Variants in LRP2BP observed in about 807,000 individuals in gnomAD.
LRP2BP encodes the protein LRP2-binding protein.
Under a neutral mutation model 45.2 loss-of-function variants are expected in LRP2BP, and 38 were observed. The observed-to-expected ratio is 0.84, with a 90% CI of 0.65 to 1.10. The LOEUF is 1.10. Ranked by LOEUF, LRP2BP falls within the 50% of genes least tolerant of loss-of-function variation. LRP2BP has a pLI of 0.00. For missense variants in LRP2BP, 385 were observed against 418.9 expected (o/e 0.92, Z 0.71); for synonymous variants, 153 against 153.9 (o/e 0.99, Z 0.04).
Position 185,387,976 on chromosome 4 carries a change from C to T in LRP2BP, c.-22+6803G>A, listed in dbSNP as rs958979102. ...CCGTGGAAGTGGAAAGGCTGTGTGACGAGCCCTCGACAGGAAAAGCGACGC... is the reference window on the plus strand; with the variant it reads ...CCGTGGAAGTGGAAAGGCTGTGTGATGAGCCCTCGACAGGAAAAGCGACGC... On this transcript the variant is annotated intron_variant, in intron 1 of 8. Coordinates refer to ENST00000505916, the MANE Select transcript of LRP2BP (RefSeq NM_001377440.1). Among the ~76,000 whole-genome samples, 10 of 152,328 alleles carry T rather than the reference C, an allele frequency of 6.6e-5. No individual in the cohort carries two copies. The East Asian group carries it at 1.5e-3, about 24-fold the overall frequency.
chr4:185,366,475 A>G lies in LRP2BP; in HGVS notation c.*705T>C, dbSNP rs2095388475. On this transcript the variant is annotated 3_prime_UTR_variant, in exon 9 of 9. Coordinates refer to ENST00000505916, the MANE Select transcript of LRP2BP (RefSeq NM_001377440.1). ...TCTTTGAGGGAAGATTTGGAGGGGC[A>G]AGATTCTAAAGCAATGTCTTATAAC... is the stretch of plus-strand genomic sequence containing the variant. 6.6e-6 allele frequency: 1 copy of G among 152,216 alleles called. No individual in the cohort carries two copies. The highest frequency in any genetic ancestry group is 1.5e-5 in the Non-Finnish European group (1 of 68,034). 9.4% of individuals were successfully genotyped at this position (152,216 alleles called of 1,614,324 possible). A position where few individuals can be genotyped will look rare whatever the true frequency, so the allele number is the denominator to read the frequency against.
intron 1 of LRP2BP, among the ~76,000 whole-genome samples, chr4:185,388,447 G>GCCTACCTACCTGTCAATCATCTACCTA (rs2095478170): frequency 6.7e-6 from 1 of 149,516 alleles, no homozygotes; most frequent in South Asian, 2.1e-4. Context: ...CTACCTATCT[G>GCCTACCTACCTGTCAATCATCTACCTA]CCTACCTACC....
intron 8 of LRP2BP, 59 bp from the exon 9 acceptor site, chr4:185,367,304 T>A: frequency 1.2e-5 from 4 of 329,860 alleles, no homozygotes; most frequent in Non-Finnish European, 1.7e-5. Context: ...GTCTTTCTTC[T>A]TTTTTTTTTT....
At chr4:185,374,043 A>T in intron 6 of LRP2BP, 92 bp downstream of exon 6, 1 of 1,041,440 alleles carries the variant, frequency 9.6e-7, no homozygotes, top group Non-Finnish European at 1.4e-6. Context: ...AGAGATATTT[A>T]AAACGACATT....
chr4:185,374,377 GGTT>G lies in LRP2BP; in HGVS notation c.412_414del (p.Asn138del). 1.2e-6 allele frequency: 2 copies of G among 1,614,106 alleles called. No homozygotes were observed. Among genetic ancestry groups the G allele is most frequent in the South Asian group, 2.2e-5 (2 of 91,070 alleles). On this transcript the variant is annotated inframe_deletion, in exon 5 of 9. Coordinates refer to ENST00000505916, the MANE Select transcript of LRP2BP (RefSeq NM_001377440.1). ...TTTCCTTCATAATAAGCTCTTCCGA[GGTT>G]GTAAGCAGCTGCAAATTTTAAGTGT...
intron 1 of LRP2BP, among the ~76,000 whole-genome samples, chr4:185,386,900 T>C (rs1435119484): frequency 2.0e-5 from 3 of 152,142 alleles, no homozygotes; most frequent in African/African-American, 4.8e-5. Context: ...TTTACTATTA[T>C]ATAAAAGTAA....
intron 1 of LRP2BP, among the ~76,000 whole-genome samples, chr4:185,391,485 C>T (rs1001140593): frequency 6.6e-6 from 1 of 152,230 alleles, no homozygotes; most frequent in Admixed American, 6.5e-5. Flanking sequence ...GAAGCATTGT[C>T]TTCTGTCTCC....
At chr4:185,383,872 G>GC (rs1192126546) in intron 1 of LRP2BP, among the ~76,000 whole-genome samples, 6 of 152,170 alleles carry the variant, frequency 3.9e-5, no homozygotes, top group Non-Finnish European at 7.4e-5. Flanking sequence ...AGGCAGGTGC[G>GC]CCGTGTTTTT....
rs2095426224 is a variant in LRP2BP at position 185,374,399 on chromosome 4, T to G, written c.393A>C (p.Leu131Phe). The part of the protein sequence containing the change: ...LDSPCPKARH[L>F]KFAAAYNLGR... ...CGAGGTTGTAAGCAGCTGCAAATTT[T>G]AAGTGTCTTGCTTTGGGACATGGAG... The change falls in exon 5 of 9, where the codon TTA becomes TTC. Residue 131 changes from leucine (L) to phenylalanine (F), a missense_variant. Transcript: ENST00000505916. 6.2e-7 allele frequency: 1 copy of G among 1,614,074 alleles called. No individual in the cohort carries two copies. The highest frequency in any genetic ancestry group is 1.3e-5 in the African/African-American group (1 of 74,944).
chr4:185,387,555 T>C (rs1410978645), intron 1 of LRP2BP, among the ~76,000 whole-genome samples: 3 of 152,192 alleles, frequency 2.0e-5, no homozygotes, highest in South Asian at 2.1e-4. Flanking sequence ...ATTATAAACA[T>C]ACTGTGTTTC....
At chr4:185,386,081 AAAAC>A (rs1242502437) in intron 1 of LRP2BP, among the ~76,000 whole-genome samples, 4 of 152,330 alleles carry the variant, frequency 2.6e-5, no homozygotes, top group East Asian at 1.9e-4. Context: ...ACTGAAATGA[AAAAC>A]AAAACAAAGA....
intron 1 of LRP2BP, among the ~76,000 whole-genome samples, chr4:185,382,760 T>G (rs976087723): frequency 6.6e-6 from 1 of 152,246 alleles, no homozygotes; most frequent in Non-Finnish European, 1.5e-5. Flanking sequence ...TTGCAATTTT[T>G]TCCCAATGTG....
chr4:185,374,744 G>A (rs1022851775), intron 4 of LRP2BP, among the ~76,000 whole-genome samples: 74 of 152,062 alleles, frequency 4.9e-4, no homozygotes, highest in East Asian at 1.9e-4. Context: ...CTCGATATGG[G>A]CTTCCTTTTT....
In LRP2BP at chr4:185,393,848, A is replaced by G. The variant is rs117127828; in HGVS notation, c.-22+931T>C. 7.5e-3 allele frequency among the ~76,000 whole-genome samples: 1,149 copies of G among 152,318 alleles called. 18 individuals are homozygous for G. The highest frequency in any genetic ancestry group is 0.054 in the South Asian group (259 of 4,824). On this transcript the variant is annotated intron_variant, in intron 1 of 8. Transcript: ENST00000505916. ...CTGACCCTCAAGAGTAATTACTTGA[A>G]TAAGAAGTACTAGGTTTAGTATTGC...
intron 3 of LRP2BP, 102 bp from the exon 4 acceptor site, chr4:185,375,828 T>C (rs2095435560): frequency 1.6e-6 from 1 of 606,126 alleles, no homozygotes; most frequent in Non-Finnish European, 2.8e-6. Context: ...AAACACACAG[T>C]TAACAAGCAA....
rs533862804 is a variant in LRP2BP at position 185,373,159 on chromosome 4, CTG to C, written c.580-82_580-81del. 626 of 1,295,956 alleles carry C rather than the reference CTG, an allele frequency of 4.8e-4. 10 individuals are homozygous for C. The South Asian group carries it at 7.0e-3, about 15-fold the overall frequency. The allele number at this position is 1,295,956 out of a possible 1,614,324, so 80.3% of individuals were successfully genotyped here. ...AGGGAATACTAGACAGAAAAGAACT[CTG>C]TGTTTCCTAGATAGCACTATTAATC... On this transcript the variant is annotated intron_variant, in intron 6 of 8. Transcript: ENST00000505916.
Position 185,395,311 on chromosome 4 carries a change from G to A in LRP2BP, c.-554C>T, listed in dbSNP as rs1265568798. 1.0e-6 allele frequency: 1 copy of A among 985,258 alleles called. No homozygotes were observed. The highest frequency in any genetic ancestry group is 1.2e-6 in the Non-Finnish European group (1 of 829,896). The allele number at this position is 985,258 out of a possible 1,614,324, so 61.0% of individuals were successfully genotyped here. ...ACCACACAAATATCCCACTACATAT[G>A]CTAACTGCAGTATTTATGTTCAAAA... On this transcript the variant is annotated 5_prime_UTR_variant, in exon 1 of 9. Transcript: ENST00000505916.
chr4:185,367,819 T>C (rs1469358263), intron 8 of LRP2BP, among the ~76,000 whole-genome samples: 3 of 152,264 alleles, frequency 2.0e-5, no homozygotes, highest in East Asian at 3.9e-4. Flanking sequence ...ATTCTACATA[T>C]GTAGAAGTTT....
At chr4:185,383,108 G>C (rs771575042) in intron 1 of LRP2BP, among the ~76,000 whole-genome samples, 12 of 152,138 alleles carry the variant, frequency 7.9e-5, no homozygotes, top group Non-Finnish European at 1.5e-4. Flanking sequence ...CTCAGTAGTT[G>C]TGTTTTGAAG....
Sources: allele counts gnomAD v4.1 joint callset (sites outside exome capture counted in the v4.1 genomes callset), GRCh38; gene constraint gnomAD v4.1.1; transcripts MANE v1.5; gene names NCBI Gene and HGNC (gene_info 2026-07-23, HGNC 2026-07-21).